PSTPIP1: variants seen among roughly 807,000 people sequenced by gnomAD.
PSTPIP1 encodes the protein proline-serine-threonine phosphatase-interacting protein 1.
In PSTPIP1, 66 loss-of-function variants were observed where a neutral mutation model predicts 69.6. That is an observed-to-expected ratio of 0.95 (90% CI 0.78 to 1.16). The LOEUF (loss-of-function observed/expected upper bound fraction) is 1.16, where lower values mean the gene tolerates loss of function less well. PSTPIP1 is among the 50% of genes most tolerant of loss of function. The pLI, the probability that PSTPIP1 is intolerant of heterozygous loss-of-function variation, is 0.00. For missense variants in PSTPIP1, 603 were observed against 557.4 expected (o/e 1.08, Z -0.82); for synonymous variants, 266 against 222.7 (o/e 1.19, Z -1.73).
At position 77,028,194 on chromosome 15, in the gene PSTPIP1, C is replaced by T. The variant is rs972360640; in HGVS notation, c.417+280C>T. On this transcript the variant is annotated intron_variant, in intron 6 of 14. Transcript: ENST00000558012. ...CTCCAGGGGTGGAGGGAGGAGGGAC[C>T]CCTGAGCTTGATCCTGCGAGACGCT... 4 of 525,698 alleles carry T rather than the reference C, an allele frequency of 7.6e-6. No homozygotes were observed. The East Asian group carries it at 1.3e-4, about 17-fold the overall frequency. The allele number at this position is 525,698 out of a possible 1,614,324, so 32.6% of individuals were successfully genotyped here.
At chr15:77,035,981 C>G (rs1054734116) in intron 14 of PSTPIP1, 46 bp downstream of exon 14, 26 of 1,534,066 alleles carry the variant, frequency 1.7e-5, no homozygotes, top group Non-Finnish European at 2.2e-5. Context: ...CTCCCCTGCA[C>G]CTGAGAGCTC....
In PSTPIP1 at chr15:77,032,848, C is replaced by T. The variant is rs1568521636; in HGVS notation, c.839-14C>T. 1 of 1,558,330 alleles carries T rather than the reference C, an allele frequency of 6.4e-7. No individual in the cohort carries two copies. Among genetic ancestry groups the T allele is most frequent in the South Asian group, 1.2e-5 (1 of 84,808 alleles). On this transcript the variant is annotated splice_polypyrimidine_tract_variant and intron_variant, in intron 11 of 14. Coordinates refer to ENST00000558012, the MANE Select transcript of PSTPIP1 (RefSeq NM_003978.5). Reference sequence around the variant, plus strand: ...TTGGGGGCCGCCCTGGGGCTCACGGCTTGCTGTCTGCAGCTCCGGTGCCCT... The same window carrying T: ...TTGGGGGCCGCCCTGGGGCTCACGGTTTGCTGTCTGCAGCTCCGGTGCCCT...
intron 1 of PSTPIP1, among the ~76,000 whole-genome samples, chr15:77,015,001 A>C (rs1319218936): frequency 6.6e-6 from 1 of 152,124 alleles, no homozygotes; most frequent in Non-Finnish European, 1.5e-5. Flanking sequence ...CCCCTAATCC[A>C]GGACGGGTTA....
rs183090210 is a variant in PSTPIP1, at chr15:77,020,509, G to A, written c.212+1978G>A. 1.9e-4 allele frequency among the ~76,000 whole-genome samples: 29 copies of A among 152,304 alleles called. 2 individuals are homozygous for A. Among genetic ancestry groups the A allele is most frequent in the South Asian group, 1.9e-3 (9 of 4,826 alleles). ...ATGAGGCCATGCAGCTGTTCCTTTC[G>A]GTGTAGGCCAAGCATCCATCCTCCA... On this transcript the variant is annotated intron_variant, in intron 3 of 14. Transcript: ENST00000558012.
At position 77,021,490 on chromosome 15, in the gene PSTPIP1, C is replaced by T. The variant is rs141632112; in HGVS notation, c.212+2959C>T. Among the ~76,000 whole-genome samples, 1,263 of 152,206 alleles carry T rather than the reference C, an allele frequency of 8.3e-3. 56 individuals are homozygous for T. In the East Asian group the frequency reaches 0.15, roughly 18 times the overall value. On this transcript the variant is annotated intron_variant, in intron 3 of 14. Coordinates refer to ENST00000558012, the MANE Select transcript of PSTPIP1 (RefSeq NM_003978.5). Reference sequence around the variant, plus strand: ...GGTCAGGAGTTCGAGACCAGCCTGGCCAACATGGTGAAACCCCGTCTCTAT... The same window carrying T: ...GGTCAGGAGTTCGAGACCAGCCTGGTCAACATGGTGAAACCCCGTCTCTAT...
At chr15:77,031,071 A>G in intron 9 of PSTPIP1, 109 bp from the exon 10 acceptor site, 1 of 1,088,964 alleles carries the variant, frequency 9.2e-7, no homozygotes, top group South Asian at 1.3e-5. Context: ...CTGGGCTTCC[A>G]GCAGAGAGGG....
rs80152051 is a variant in PSTPIP1 at position 77,028,812 on chromosome 15, G to A, written c.516+160G>A. 0.031 allele frequency among the ~76,000 whole-genome samples: 4,736 copies of A among 152,292 alleles called. 201 individuals carry two copies. Among genetic ancestry groups the A allele is most frequent in the African/African-American group, 0.096 (3,980 of 41,554 alleles). ...TCCCCATCTGTGAAATGGGTTTCCT[G>A]GAGAGAACCTCAGGCCATGGACAGG... is the stretch of plus-strand genomic sequence containing the variant. On this transcript the variant is annotated intron_variant, in intron 7 of 14. Coordinates refer to ENST00000558012, the MANE Select transcript of PSTPIP1 (RefSeq NM_003978.5).
intron 4 of PSTPIP1, 72 bp downstream of exon 4, chr15:77,025,390 A>C: frequency 1.3e-6 from 2 of 1,579,972 alleles, no homozygotes; most frequent in South Asian, 1.1e-5. Context: ...GGGGGACAGA[A>C]GATGAGGTGT....
rs201093185 is a variant in PSTPIP1 at position 77,031,581 on chromosome 15, ACACAGCTGT to A, written c.741+306_741+314del. 940 of 308,920 alleles carry A rather than the reference ACACAGCTGT, an allele frequency of 3.0e-3. 9 individuals carry two copies. The highest frequency in any genetic ancestry group is 0.019 in the African/African-American group (889 of 46,136). The allele number at this position is 308,920 out of a possible 1,614,324, so 19.1% of individuals were successfully genotyped here. ...CTGCCGGGGATGGGAGGGGAGGTGG[ACACAGCTGT>A]CAGAGGTTGGCAGAAGCTGGAGGAC... is the stretch of plus-strand genomic sequence containing the variant. On this transcript the variant is annotated intron_variant, in intron 10 of 14. Coordinates refer to ENST00000558012, the MANE Select transcript of PSTPIP1 (RefSeq NM_003978.5).
intron 1 of PSTPIP1, among the ~76,000 whole-genome samples, chr15:77,003,587 T>G (rs1596048793): frequency 6.7e-6 from 1 of 149,750 alleles, no homozygotes; most frequent in African/African-American, 2.5e-5. Context: ...ACCCAGGAGG[T>G]GGAGGTTGCA....
At chr15:77,002,645 T>C (rs932312938) in intron 1 of PSTPIP1, among the ~76,000 whole-genome samples, 3 of 152,212 alleles carry the variant, frequency 2.0e-5, no homozygotes, top group African/African-American at 7.2e-5. Flanking sequence ...GTTAGAAGAT[T>C]GCAGAGGTTT....
chr15:77,035,517 A>C lies in PSTPIP1; in HGVS notation c.939A>C (p.Gly313=), dbSNP rs772159881. 1 of 1,591,672 alleles carries C rather than the reference A, an allele frequency of 6.3e-7. No homozygotes were observed. Among genetic ancestry groups the C allele is most frequent in the Non-Finnish European group, 8.6e-7 (1 of 1,169,496 alleles). The change falls in exon 13 of 15, where the codon GGA becomes GGC. Residue 313 remains glycine (G), a synonymous_variant. Transcript: ENST00000558012. ...PSCGMIKRFS[G]LLHGSPKTTS... ...TCCTCCCTGTTCCCAGGTTCTCTGG[A>C]CTGCTGCACGGAAGTCCCAAGACCA... is the stretch of plus-strand genomic sequence containing the variant.
At chr15:77,028,858 T>C (rs2076349535) in intron 7 of PSTPIP1, among the ~76,000 whole-genome samples, 2 of 152,200 alleles carry the variant, frequency 1.3e-5, no homozygotes, top group African/African-American at 4.8e-5. Context: ...GGATCCCCTT[T>C]GCCACCGTCA....
chr15:77,027,848 G>A lies in PSTPIP1; in HGVS notation c.355-4G>A, dbSNP rs1596111331. 1 of 1,564,370 alleles carries A rather than the reference G, an allele frequency of 6.4e-7. No individual in the cohort carries two copies. Among genetic ancestry groups the A allele is most frequent in the Non-Finnish European group, 8.7e-7 (1 of 1,155,236 alleles). ...CTCGGCTCAGAACCTCGTGTCCCCT[G>A]CAGTATGAGGCCGTCATGGACCGGG... On this transcript the variant is annotated splice_polypyrimidine_tract_variant and splice_region_variant and intron_variant, in intron 5 of 14. Coordinates refer to ENST00000558012, the MANE Select transcript of PSTPIP1 (RefSeq NM_003978.5). The surrounding 1 kb of genome is among the most constrained non-coding windows in gnomAD (Gnocchi z 4.3).
rs555691324 is a variant in PSTPIP1, at chr15:77,026,940, C to T, written c.355-912C>T. 4.6e-5 allele frequency among the ~76,000 whole-genome samples: 7 copies of T among 152,350 alleles called. No homozygotes were observed. The South Asian group carries it at 6.2e-4, about 14-fold the overall frequency. ...TTCTTTCTCCAAGTGGCCAGGGCCCCGCAGGCAGAGCGCTGTGTTGTAGTG... is the reference window on the plus strand; with the variant it reads ...TTCTTTCTCCAAGTGGCCAGGGCCCTGCAGGCAGAGCGCTGTGTTGTAGTG... On this transcript the variant is annotated intron_variant, in intron 5 of 14. Coordinates refer to ENST00000558012, the MANE Select transcript of PSTPIP1 (RefSeq NM_003978.5).
chr15:77,008,676 C>T (rs145792758), intron 1 of PSTPIP1, among the ~76,000 whole-genome samples: 75 of 152,326 alleles, frequency 4.9e-4, no homozygotes, highest in African/African-American at 1.6e-3. Flanking sequence ...TTCCAAAGTG[C>T]TGGGATTACA....
intron 9 of PSTPIP1, 95 bp from the exon 10 acceptor site, chr15:77,031,085 G>C (rs777878418): frequency 1.6e-4 from 198 of 1,230,674 alleles, no homozygotes; most frequent in Non-Finnish European, 2.2e-4. Context: ...GAGAGGGCTG[G>C]CCTGGTCAGC....
In PSTPIP1 at chr15:77,030,488, G is replaced by C. The variant is rs760959441; in HGVS notation, c.563-14G>C. 1 of 1,610,608 alleles carries C rather than the reference G, an allele frequency of 6.2e-7. No homozygotes were observed. The highest frequency in any genetic ancestry group is 1.1e-5 in the South Asian group (1 of 90,452). On this transcript the variant is annotated splice_polypyrimidine_tract_variant and intron_variant, in intron 8 of 14. Transcript: ENST00000558012. ...TCGTGTCAGGGCCCTCCCTGAGGCT[G>C]CCTGCGCTTTCAGAGCGGGTATACA...
chr15:77,037,148 T>A lies in PSTPIP1; in HGVS notation c.1223T>A (p.Val408Asp), dbSNP rs970017633. The change falls in exon 15 of 15, where the codon GTC becomes GAC. Residue 408 changes from valine (V) to aspartate (D), a missense_variant. Coordinates refer to ENST00000558012, the MANE Select transcript of PSTPIP1 (RefSeq NM_003978.5). ...TVERNGQRGF[V>D]PGSYLEKL ...GAGAGGAACGGGCAGCGTGGCTTCG[T>A]CCCTGGTTCCTACCTGGAGAAGCTT... 25 of 1,610,926 alleles carry A rather than the reference T, an allele frequency of 1.6e-5. No homozygotes were observed. The highest frequency in any genetic ancestry group is 2.0e-5 in the Non-Finnish European group (23 of 1,179,300).
Sources: gnomAD v4.1 joint callset for allele counts (sites outside exome capture counted in the v4.1 genomes callset) on GRCh38, gnomAD v4.1.1 for gene constraint, Gnocchi (gnomAD v3.1) non-coding constraint, MANE v1.5 for transcripts, NCBI Gene and HGNC (gene_info 2026-07-23, HGNC 2026-07-21) for gene names.